The following ROBO2 variants were observed in gnomAD, a reference collection of about 807,000 sequenced individuals.
The protein encoded by ROBO2 is roundabout guidance receptor 2.
Under a neutral mutation model 160.8 loss-of-function variants are expected in ROBO2, and 53 were observed. That is an observed-to-expected ratio of 0.33 (90% CI 0.26 to 0.41). The LOEUF (loss-of-function observed/expected upper bound fraction) is 0.41, where lower values mean the gene tolerates loss of function less well. Ranked by LOEUF, ROBO2 falls within the 10% of genes least tolerant of loss-of-function variation. The pLI is 1.00. For missense variants in ROBO2, 1,577 were observed against 1,722.4 expected (o/e 0.92, Z 1.49); for synonymous variants, 664 against 611.7 (o/e 1.09, Z -1.26).
At chr3:76,182,557 G>A (rs1221596978) in intron 2 of ROBO2, among the ~76,000 whole-genome samples, 1 of 152,004 alleles carries the variant, frequency 6.6e-6, no homozygotes, top group Non-Finnish European at 1.5e-5. Context: ...CCTCCAGTAA[G>A]CCTTCTAAAT....
intron 2 of ROBO2, among the ~76,000 whole-genome samples, chr3:76,830,714 C>T (rs574064271): frequency 6.0e-5 from 9 of 150,376 alleles, no homozygotes; most frequent in African/African-American, 1.7e-4. Context: ...CGGTGGCTCA[C>T]GCTTGTAATC....
intron 2 of ROBO2, among the ~76,000 whole-genome samples, chr3:76,745,696 T>C (rs2093874184): frequency 6.6e-6 from 1 of 152,058 alleles, no homozygotes. Context: ...AGGACAGCTA[T>C]CAAATTTTCT....
chr3:76,032,515 C>G (rs372874850), intron 2 of ROBO2, among the ~76,000 whole-genome samples: 9 of 152,152 alleles, frequency 5.9e-5, no homozygotes, highest in Admixed American at 2.0e-4. Flanking sequence ...TTTCCCTCTA[C>G]GCACTGCTTT....
chr3:76,660,652 C>G (rs2091776516), intron 2 of ROBO2, among the ~76,000 whole-genome samples: 1 of 152,084 alleles, frequency 6.6e-6, no homozygotes, highest in African/African-American at 2.4e-5. Flanking sequence ...TTAGGTCTTT[C>G]TAGTGATTAT....
At chr3:76,020,956 A>G (rs1250387097) in intron 2 of ROBO2, among the ~76,000 whole-genome samples, 1 of 151,854 alleles carries the variant, frequency 6.6e-6, no homozygotes, top group Non-Finnish European at 1.5e-5. Context: ...TAATTCCTAT[A>G]TACCTTGCAC....
intron 2 of ROBO2, among the ~76,000 whole-genome samples, chr3:76,381,918 C>G (rs962194974): frequency 6.6e-6 from 1 of 152,088 alleles, no homozygotes; most frequent in Non-Finnish European, 1.5e-5. Context: ...TAGTCTATGT[C>G]TCTAATTCAT....
chr3:76,284,229 G>T (rs933967705), intron 2 of ROBO2, among the ~76,000 whole-genome samples: 2 of 151,834 alleles, frequency 1.3e-5, no homozygotes, highest in Admixed American at 1.3e-4. Context: ...TTTTACCTTG[G>T]CAATAAAACC....
chr3:76,443,796 C>T (rs558549296), intron 2 of ROBO2, among the ~76,000 whole-genome samples: 8 of 152,144 alleles, frequency 5.3e-5, no homozygotes, highest in East Asian at 3.9e-4. Context: ...TTAATTTAAA[C>T]GAATTCTCCA....
At chr3:76,212,698 T>TC (rs1703223376) in intron 2 of ROBO2, among the ~76,000 whole-genome samples, 1 of 152,096 alleles carries the variant, frequency 6.6e-6, no homozygotes, top group Non-Finnish European at 1.5e-5. Flanking sequence ...ATCATTAAGG[T>TC]CAGATTTCTG....
chr3:76,014,284 A>G (rs796793365), intron 2 of ROBO2, among the ~76,000 whole-genome samples: 9 of 133,728 alleles, frequency 6.7e-5, no homozygotes, highest in Non-Finnish European at 1.2e-4. Flanking sequence ...CATAAAGGCA[A>G]TTGGGGGCTG....
chr3:77,217,390 G>T (rs974731729), intron 2 of ROBO2, among the ~76,000 whole-genome samples: 1 of 152,054 alleles, frequency 6.6e-6, no homozygotes, highest in African/African-American at 2.4e-5. Flanking sequence ...TGATCTACCT[G>T]CCTCGGCCTC....
intron 2 of ROBO2, among the ~76,000 whole-genome samples, chr3:76,199,431 C>T (rs555741362): frequency 7.9e-5 from 12 of 152,188 alleles, no homozygotes; most frequent in African/African-American, 2.2e-4. Context: ...CTAGAGCTTC[C>T]AGAAAGGAAT....
Position 77,403,573 on chromosome 3 carries a change from AGTGTGTGTGTGT to A in ROBO2, c.389-73808_389-73797del, listed in dbSNP as rs57545425. Among the ~76,000 whole-genome samples, 929 of 129,458 alleles carry A rather than the reference AGTGTGTGTGTGT, an allele frequency of 7.2e-3. 7 individuals are homozygous for A. The highest frequency in any genetic ancestry group is 0.02 in the African/African-American group (670 of 34,218). The allele number at this position is 129,458 out of a possible 152,430, so 84.9% of individuals were successfully genotyped here. A position where few individuals can be genotyped will look rare whatever the true frequency, so the allele number is the denominator to read the frequency against. On this transcript the variant is annotated intron_variant, in intron 2 of 25. Coordinates refer to ENST00000461745, the Ensembl canonical transcript of ROBO2. ...TTTTTAAAGTCTGAATAGTTATTTCAGTGTGTGTGTGTGTGTGTGTGTGTGTGTGTGTGTGTG... is the reference window on the plus strand; with the variant it reads ...TTTTTAAAGTCTGAATAGTTATTTCAGTGTGTGTGTGTGTGTGTGTGTGTG...
intron 2 of ROBO2, among the ~76,000 whole-genome samples, chr3:77,201,792 G>T (rs1025260126): frequency 2.6e-5 from 4 of 151,918 alleles, no homozygotes; most frequent in African/African-American, 4.8e-5. Flanking sequence ...TCCATGAGGG[G>T]AAAAAACACA....
At chr3:76,987,087 C>G (rs72902045) in intron 2 of ROBO2, among the ~76,000 whole-genome samples, 6 of 152,234 alleles carry the variant, frequency 3.9e-5, no homozygotes, top group African/African-American at 7.2e-5. Flanking sequence ...AAGAAGCAGG[C>G]GCTAATCTCT....
intron 2 of ROBO2, among the ~76,000 whole-genome samples, chr3:77,102,090 C>G (rs2072025016): frequency 2.0e-5 from 3 of 152,112 alleles, no homozygotes; most frequent in Non-Finnish European, 4.4e-5. Flanking sequence ...ATGCAAATCC[C>G]AAATGATGAT....
chr3:77,178,511 G>A (rs1210891042), intron 2 of ROBO2, among the ~76,000 whole-genome samples: 1 of 151,960 alleles, frequency 6.6e-6, no homozygotes, highest in Non-Finnish European at 1.5e-5. Context: ...AGATTTCAGT[G>A]CTTCAGATTA....
chr3:76,350,153 G>A (rs868336781), intron 2 of ROBO2, among the ~76,000 whole-genome samples: 5 of 152,158 alleles, frequency 3.3e-5, no homozygotes, highest in South Asian at 2.1e-4. Context: ...TCATGAAAAT[G>A]TTAGAATTAG....
chr3:77,266,651 T>C (rs1442017095), intron 2 of ROBO2, among the ~76,000 whole-genome samples: 1 of 152,154 alleles, frequency 6.6e-6, no homozygotes, highest in Non-Finnish European at 1.5e-5. Flanking sequence ...GACTTCTGTA[T>C]AAATCCCTGA....
Sources: gnomAD v4.1 joint callset for allele counts (sites outside exome capture counted in the v4.1 genomes callset) on GRCh38, gnomAD v4.1.1 for gene constraint, MANE v1.5 for transcripts, NCBI Gene and HGNC (gene_info 2026-07-23, HGNC 2026-07-21) for gene names.